Variants in AMOTL1 observed in about 807,000 individuals in gnomAD.
AMOTL1 encodes angiomotin-like protein 1.
Under a neutral mutation model 102.9 loss-of-function variants are expected in AMOTL1, and 45 were observed. That is an observed-to-expected ratio of 0.44 (90% CI 0.34 to 0.56). The LOEUF (loss-of-function observed/expected upper bound fraction) is 0.56, where lower values mean the gene tolerates loss of function less well. Among genes scored for constraint, AMOTL1 ranks in the 20% least tolerant of loss-of-function variants. The pLI is 0.01. For missense variants in AMOTL1, 1,114 were observed against 1,225.6 expected, an observed-to-expected ratio of 0.91 and a Z score of 1.36; for synonymous variants, 481 against 484.7, an observed-to-expected ratio of 0.99 and a Z score of 0.10.
At position 94,821,592 on chromosome 11, in the gene AMOTL1, C is replaced by T. The variant is rs755099780; in HGVS notation, c.1184C>T (p.Thr395Ile). Residue 395 changes from threonine to isoleucine, a missense_variant, in exon 4 of 13, where the codon ACC (threonine) becomes ATC (isoleucine). Physicochemically the swap from Thr to Ile is moderately conservative, Grantham distance 89 (BLOSUM62 -1). Coordinates refer to ENST00000433060, the MANE Select transcript of AMOTL1 (RefSeq NM_130847.3). ...CAGCACAGCCCCATGTCCTCCCAGA[C>T]CTCTTCCGCCAGCGGGCCACTGCAC... The part of the protein sequence containing the change: ...MQQHSPMSSQ[T>I]SSASGPLHSV... The T allele has an allele frequency of 2.9e-5, 46 of 1,613,814 alleles. No homozygotes were observed. Among genetic ancestry groups the T allele is most frequent in the Non-Finnish European group, 3.7e-5 (44 of 1,179,870 alleles).
intron 3 of AMOTL1, among the ~76,000 whole-genome samples, chr11:94,749,676 T>C (rs1950628597): frequency 6.6e-6 from 1 of 152,156 alleles, no homozygotes; most frequent in African/African-American, 2.4e-5. Context: ...GCACATACCA[T>C]CTATTTCCTG....
intron 1 of AMOTL1, among the ~76,000 whole-genome samples, chr11:94,785,016 A>G (rs1951163415): frequency 6.6e-6 from 1 of 152,116 alleles, no homozygotes; most frequent in Admixed American, 6.6e-5. Context: ...GCCAGATGGA[A>G]GTGATGAGGA....
intron 3 of AMOTL1, among the ~76,000 whole-genome samples, chr11:94,803,520 C>A (rs966452815): frequency 3.9e-5 from 6 of 152,094 alleles, no homozygotes; most frequent in Non-Finnish European, 8.8e-5. Flanking sequence ...TTTTCCTCAA[C>A]CTGAAAGTGT....
intron 1 of AMOTL1, among the ~76,000 whole-genome samples, chr11:94,717,660 C>T (rs1172296449): frequency 6.6e-6 from 1 of 151,632 alleles, no homozygotes; most frequent in East Asian, 1.9e-4. Flanking sequence ...AAGCATGGCT[C>T]CAAACTCAGA....
chr11:94,802,819 C>A (rs772722514), intron 3 of AMOTL1, among the ~76,000 whole-genome samples: 7 of 152,232 alleles, frequency 4.6e-5, no homozygotes, highest in Non-Finnish European at 8.8e-5. Flanking sequence ...ACACATTTAA[C>A]GTGGCCTGAA....
At chr11:94,785,147 A>G (rs898535167) in intron 1 of AMOTL1, among the ~76,000 whole-genome samples, 2 of 152,220 alleles carry the variant, frequency 1.3e-5, no homozygotes, top group African/African-American at 4.8e-5. Flanking sequence ...TCTGCCTCAT[A>G]CATGGAGAGA....
upstream of AMOTL1, among the ~76,000 whole-genome samples, chr11:94,763,415 C>T (rs930016918): frequency 5.3e-5 from 8 of 152,238 alleles, no homozygotes; most frequent in African/African-American, 1.9e-4. Context: ...TGTGAAAAAG[C>T]TTATTTGAGA....
At chr11:94,775,469 G>A (rs1482444924) in intron 1 of AMOTL1, among the ~76,000 whole-genome samples, 1 of 152,078 alleles carries the variant, frequency 6.6e-6, no homozygotes, top group Non-Finnish European at 1.5e-5. Context: ...TCAGAGTAGA[G>A]AAATATAACT....
intron 3 of AMOTL1, among the ~76,000 whole-genome samples, chr11:94,742,363 A>C (rs901439246): frequency 6.6e-6 from 1 of 152,238 alleles, no homozygotes; most frequent in African/African-American, 2.4e-5. Context: ...AGTGCGACGA[A>C]GCCATTTGGT....
intron 1 of AMOTL1, among the ~76,000 whole-genome samples, chr11:94,775,995 G>T (rs1951021860): frequency 6.6e-6 from 1 of 152,202 alleles, no homozygotes. Flanking sequence ...CCACTCATGG[G>T]ATTCTTCCAG....
intron 7 of AMOTL1, among the ~76,000 whole-genome samples, chr11:94,850,463 A>G (rs1364589517): frequency 6.6e-6 from 1 of 152,244 alleles, no homozygotes; most frequent in African/African-American, 2.4e-5. Flanking sequence ...TGAAAAGCAC[A>G]TGGGAATCCC....
chr11:94,860,555 T>G (rs888079662), intron 9 of AMOTL1, among the ~76,000 whole-genome samples: 4 of 152,210 alleles, frequency 2.6e-5, no homozygotes, highest in Non-Finnish European at 5.9e-5. Flanking sequence ...GGATCTCAGC[T>G]GCATGCAAAG....
intron 2 of AMOTL1, among the ~76,000 whole-genome samples, chr11:94,795,526 A>G (rs1233883043): frequency 6.6e-6 from 1 of 152,004 alleles, no homozygotes; most frequent in Non-Finnish European, 1.5e-5. Flanking sequence ...TTTGCAAATA[A>G]TTTAGAAGTT....
intron 3 of AMOTL1, among the ~76,000 whole-genome samples, chr11:94,758,319 C>T (rs1031934784): frequency 9.9e-5 from 15 of 152,118 alleles, no homozygotes; most frequent in African/African-American, 3.4e-4. Context: ...GGTTTTGGAA[C>T]GGCTGGTTTA....
At chr11:94,781,115 C>G (rs953276104) in intron 1 of AMOTL1, among the ~76,000 whole-genome samples, 6 of 152,070 alleles carry the variant, frequency 3.9e-5, no homozygotes, top group Admixed American at 1.3e-4. Context: ...TCTCATGGAG[C>G]CTTTTTTTCC....
intron 3 of AMOTL1, among the ~76,000 whole-genome samples, chr11:94,805,813 C>G (rs1259640774): frequency 6.6e-6 from 1 of 152,124 alleles, no homozygotes; most frequent in African/African-American, 2.4e-5. Flanking sequence ...CCCAGCCCTC[C>G]CATCCTAGGT....
chr11:94,864,640 C>G (rs920276377), intron 9 of AMOTL1, 95 bp from the exon 10 acceptor site: 21 of 1,511,654 alleles, frequency 1.4e-5, no homozygotes, highest in Non-Finnish European at 1.9e-5. Context: ...ATCTCTGTTC[C>G]AGCATGAACA....
chr11:94,807,192 T>C (rs1479402243), intron 3 of AMOTL1, among the ~76,000 whole-genome samples: 1 of 152,224 alleles, frequency 6.6e-6, no homozygotes, highest in Non-Finnish European at 1.5e-5. Flanking sequence ...AGTCTTATTA[T>C]CCAGAGATAC....
chr11:94,756,603 A>T (rs1460561408), intron 3 of AMOTL1, among the ~76,000 whole-genome samples: 2 of 152,198 alleles, frequency 1.3e-5, no homozygotes, highest in Admixed American at 6.5e-5. Flanking sequence ...CTGTTTGAAA[A>T]ACATTATTGC....
Sources: gnomAD v4.1 joint callset for allele counts (sites outside exome capture counted in the v4.1 genomes callset) on GRCh38, gnomAD v4.1.1 for gene constraint, MANE v1.5 for transcripts, NCBI Gene and HGNC (gene_info 2026-07-23, HGNC 2026-07-21) for gene names.